The following EXOC6 variants were observed in gnomAD, a reference collection of about 807,000 sequenced individuals.
The protein encoded by EXOC6 is SEC15-like 1.
EXOC6 carries 60 observed loss-of-function variants against 112.5 expected under a neutral mutation model. The observed-to-expected ratio is 0.53, with a 90% CI of 0.43 to 0.66. The LOEUF is 0.66. EXOC6 is among the 30% of genes least tolerant of loss of function. EXOC6 has a pLI of 0.00. For missense variants in EXOC6, 855 were observed against 957.1 expected, an observed-to-expected ratio of 0.89 and a Z score of 1.41; for synonymous variants, 295 against 308.0, an observed-to-expected ratio of 0.96 and a Z score of 0.44.
At position 92,935,996 on chromosome 10, in the gene EXOC6, TAAATG is replaced by T. The variant is rs1852317673; in HGVS notation, c.1212+112_1212+116del. 2.6e-5 allele frequency: 17 copies of T among 652,564 alleles called. No homozygotes were observed. The East Asian group carries it at 5.1e-4, about 19-fold the overall frequency. 40.4% of individuals were successfully genotyped at this position (652,564 alleles called of 1,614,324 possible). On this transcript the variant is annotated intron_variant, in intron 12 of 21. Coordinates refer to ENST00000260762, the MANE Select transcript of EXOC6 (RefSeq NM_019053.6). Reference sequence around the variant, plus strand: ...ATTAGTGGCAGTAAATTAGTAGTAATAAATGTTTACCTACATATTGATATTCTGCT... The same window carrying T: ...ATTAGTGGCAGTAAATTAGTAGTAATTTTACCTACATATTGATATTCTGCT...
upstream of EXOC6, chr10:92,831,319 G>A (rs1383788331): frequency 1.6e-6 from 2 of 1,288,892 alleles, no homozygotes; most frequent in East Asian, 5.5e-5. Context: ...GGAAGAGGAT[G>A]AATGTGCTGT....
At chr10:93,041,035 G>A (rs1845745041) in intron 20 of EXOC6, among the ~76,000 whole-genome samples, 1 of 152,200 alleles carries the variant, frequency 6.6e-6, no homozygotes, top group South Asian at 2.1e-4. Flanking sequence ...TTAGGTGTGT[G>A]TCCCGCATGC....
At chr10:93,005,263 ACAGT>A (rs965045331) in intron 19 of EXOC6, among the ~76,000 whole-genome samples, 20 of 152,196 alleles carry the variant, frequency 1.3e-4, no homozygotes, top group Admixed American at 3.9e-4. Flanking sequence ...ATGTTTGGAG[ACAGT>A]CAGGAAGATA....
At chr10:93,048,619 G>A (rs1406241003) in intron 20 of EXOC6, among the ~76,000 whole-genome samples, 1 of 151,902 alleles carries the variant, frequency 6.6e-6, no homozygotes, top group Non-Finnish European at 1.5e-5. Context: ...TAGCTGGGGT[G>A]GTGGCACACA....
At chr10:92,909,923 T>A (rs375797042) in intron 6 of EXOC6, among the ~76,000 whole-genome samples, 1 of 152,328 alleles carries the variant, frequency 6.6e-6, no homozygotes, top group African/African-American at 2.4e-5. Flanking sequence ...CCAAATCTGG[T>A]ATAGAATTAG....
At chr10:92,971,194 G>A (rs998530144) in intron 17 of EXOC6, among the ~76,000 whole-genome samples, 2 of 152,102 alleles carry the variant, frequency 1.3e-5, no homozygotes, top group Middle Eastern at 3.4e-3. Flanking sequence ...TGGGACTACA[G>A]GCGCAGGCCT....
intron 9 of EXOC6, among the ~76,000 whole-genome samples, chr10:92,933,787 TATC>T (rs1457147620): frequency 6.6e-6 from 1 of 152,010 alleles, no homozygotes; most frequent in East Asian, 1.9e-4. Flanking sequence ...GGCTGGAAAA[TATC>T]ATTCTGGCAG....
intron 6 of EXOC6, among the ~76,000 whole-genome samples, chr10:92,914,513 T>A (rs1276028875): frequency 6.6e-6 from 1 of 152,216 alleles, no homozygotes; most frequent in African/African-American, 2.4e-5. Flanking sequence ...AATTGTTAGT[T>A]TTGTGCATAA....
chr10:92,848,618 G>A lies in EXOC6; in HGVS notation c.85G>A (p.Val29Met). The change falls in exon 1 of 22, where the codon GTG becomes ATG. Residue 29 changes from valine (V) to methionine (M), a missense_variant. This residue lies in a region of EXOC6 where 405 missense variants were observed against 393.6 expected (regional missense o/e 1.03). Coordinates refer to ENST00000260762, the MANE Select transcript of EXOC6 (RefSeq NM_019053.6). Reference sequence around the variant, plus strand: ...GATCGAGAGCACCGACACCGCCTGTGTGGGGCCCACCCTCCGGTAAAGATC... The same window carrying A: ...GATCGAGAGCACCGACACCGCCTGTATGGGGCCCACCCTCCGGTAAAGATC... ...QEIESTDTAC[V>M]GPTLRSVYDD... is the part of the protein sequence containing the mutation. 6.9e-7 allele frequency: 1 copy of A among 1,441,590 alleles called. No individual in the cohort carries two copies. The allele number at this position is 1,441,590 out of a possible 1,614,324, so 89.3% of individuals were successfully genotyped here.
intron 6 of EXOC6, among the ~76,000 whole-genome samples, chr10:92,909,881 A>G (rs186726163): frequency 6.6e-6 from 1 of 152,276 alleles, no homozygotes; most frequent in East Asian, 1.9e-4. Context: ...TCTTCTCCAT[A>G]TATGTGGTGT....
chr10:92,960,073 A>G (rs1303705784), intron 17 of EXOC6, among the ~76,000 whole-genome samples: 1 of 152,214 alleles, frequency 6.6e-6, no homozygotes, highest in Non-Finnish European at 1.5e-5. Flanking sequence ...TGTTTATAGC[A>G]GCTTTATTCA....
At chr10:92,891,386 C>T (rs942594806) in intron 1 of EXOC6, among the ~76,000 whole-genome samples, 1 of 152,200 alleles carries the variant, frequency 6.6e-6, no homozygotes, top group African/African-American at 2.4e-5. Context: ...AGTTCTAACT[C>T]AGCTCTTACA....
chr10:92,974,602 C>T lies in EXOC6; in HGVS notation c.1953+370C>T, dbSNP rs546740954. Among the ~76,000 whole-genome samples, 106 of 20,186 alleles carry T rather than the reference C, an allele frequency of 5.3e-3. 2 individuals carry two copies. In the South Asian group the frequency reaches 0.16, roughly 30 times the overall value. The allele number at this position is 20,186 out of a possible 152,430, so 13.2% of individuals were successfully genotyped here. On this transcript the variant is annotated intron_variant, in intron 18 of 21. Coordinates refer to ENST00000260762, the MANE Select transcript of EXOC6 (RefSeq NM_019053.6). The stretch of plus-strand genomic sequence containing the variant: ...TCCCTCTCCCTCTCTTTCCACGTCT[C>T]CCTCTGATGCCGAGCCGAAGCTGCA...
chr10:92,915,764 C>A lies in EXOC6; in HGVS notation c.670C>A (p.His224Asn). The A allele has an allele frequency of 1.3e-6, 2 of 1,519,752 alleles. No homozygotes were observed. Among genetic ancestry groups the A allele is most frequent in the Admixed American group, 2.6e-5 (1 of 38,580 alleles). The allele number at this position is 1,519,752 out of a possible 1,614,324, so 94.1% of individuals were successfully genotyped here. ...IGETAMKQAQ[H>N]QKTFSVSLQK... ...TTCTCTCTCTTCAAAATAGGCACAGCATCAGAAAACCTTCAGTGTTTCTCT... is the reference window on the plus strand; with the variant it reads ...TTCTCTCTCTTCAAAATAGGCACAGAATCAGAAAACCTTCAGTGTTTCTCT... The change falls in exon 7 of 22, where the codon CAT (histidine) becomes AAT (asparagine). Residue 224 changes from histidine to asparagine, a missense_variant. Physicochemically the swap from His to Asn is moderately conservative, Grantham distance 68. Coordinates refer to ENST00000260762, the MANE Select transcript of EXOC6 (RefSeq NM_019053.6).
chr10:93,011,248 G>T (rs1844230277), intron 19 of EXOC6, among the ~76,000 whole-genome samples: 1 of 149,430 alleles, frequency 6.7e-6, no homozygotes, highest in African/African-American at 2.5e-5. Flanking sequence ...CCAATAAAAT[G>T]CTGGATGGTC....
intron 17 of EXOC6, 86 bp downstream of exon 17, chr10:92,955,800 A>T (rs2134020594): frequency 2.5e-6 from 3 of 1,196,316 alleles, no homozygotes; most frequent in Non-Finnish European, 3.5e-6. Flanking sequence ...TATATGCAAG[A>T]TCTACTATAT....
intron 18 of EXOC6, among the ~76,000 whole-genome samples, chr10:92,985,121 C>T (rs949039344): frequency 1.2e-4 from 19 of 152,166 alleles, no homozygotes; most frequent in Admixed American, 7.2e-4. Flanking sequence ...CTCCTGTGCT[C>T]CCCTTTACTT....
intron 20 of EXOC6, among the ~76,000 whole-genome samples, chr10:93,045,161 C>CGT (rs1375633215): frequency 1.3e-5 from 2 of 152,176 alleles, no homozygotes; most frequent in Non-Finnish European, 2.9e-5. Flanking sequence ...CGTGAGCCAC[C>CGT]GTGCCTGGCC....
At chr10:93,047,475 GC>G (rs1846050137) in intron 20 of EXOC6, among the ~76,000 whole-genome samples, 1 of 152,132 alleles carries the variant, frequency 6.6e-6, no homozygotes, top group Non-Finnish European at 1.5e-5. Flanking sequence ...GGCAGAGGTT[GC>G]AGTGAGGTGA....
Sources: allele counts gnomAD v4.1 joint callset (sites outside exome capture counted in the v4.1 genomes callset), GRCh38; gene constraint gnomAD v4.1.1; regional missense constraint gnomAD v4.1.1; transcripts MANE v1.5; gene names NCBI Gene and HGNC (gene_info 2026-07-23, HGNC 2026-07-21).